Variants in ABCB1 observed in about 807,000 individuals in gnomAD.
ABCB1 encodes ATP binding cassette subfamily B member 1, also known as ATP-dependent translocase ABCB1.
A neutral mutation model predicts 142.0 loss-of-function variants in ABCB1; 69 were observed. The observed-to-expected ratio is 0.49, with a 90% CI of 0.40 to 0.59. The LOEUF is 0.59. Among genes scored for constraint, ABCB1 ranks in the 20% least tolerant of loss-of-function variants. The probability of loss-of-function intolerance (pLI) is 0.00; values close to 1 mark genes in which losing one functional copy is unlikely to be tolerated. For missense variants in ABCB1, 1,326 were observed against 1,554.7 expected, an observed-to-expected ratio of 0.85 and a Z score of 2.47; for synonymous variants, 532 against 539.2, an observed-to-expected ratio of 0.99 and a Z score of 0.18.
At chr7:87,652,621 GATATATATATATATAT>G (rs373344881) in intron 1 of ABCB1, among the ~76,000 whole-genome samples, 4 of 125,414 alleles carry the variant, frequency 3.2e-5, no homozygotes, top group Admixed American at 1.6e-4. Context: ...TGTGGTCACT[GATATATATATATATAT>G]ATATATATAG....
In ABCB1 at chr7:87,533,964, G is replaced by C. The variant is rs28381960; in HGVS notation, c.2482-2467C>G. On this transcript the variant is annotated intron_variant, in intron 20 of 27. Coordinates refer to ENST00000622132, the MANE Select transcript of ABCB1 (RefSeq NM_001348946.2). ...CAGCCATCTTGGCAGGGCCAAGTTT[G>C]AGGTGTCTTTGAGGAAACAAGTGAA... Among the ~76,000 whole-genome samples the C allele has an allele frequency of 7.3e-3, 1,112 of 152,282 alleles. 32 individuals are homozygous for C. The highest frequency in any genetic ancestry group is 0.061 in the Admixed American group (936 of 15,292).
Position 87,566,336 on chromosome 7 carries a change from A to G in ABCB1, c.531-95T>C, listed in dbSNP as rs1817781392. ...TTTGAGTGTAGGGTAGTTTATGGCT[A>G]GAGTATTTTGTGCCTATGCTTTGTT... On this transcript the variant is annotated intron_variant, in intron 6 of 27. Transcript: ENST00000622132. 3.2e-5 allele frequency: 41 copies of G among 1,279,936 alleles called. No individual in the cohort carries two copies. The South Asian group carries it at 4.7e-4, about 15-fold the overall frequency. 79.3% of individuals were successfully genotyped at this position (1,279,936 alleles called of 1,614,324 possible).
chr7:87,595,908 A>C, intron 2 of ABCB1, 94 bp from the exon 3 acceptor site: 2 of 958,068 alleles, frequency 2.1e-6, no homozygotes, highest in Non-Finnish European at 3.3e-6. Flanking sequence ...AATGACTAAT[A>C]GGAAGAAGAA....
chr7:87,666,015 T>C (rs957108715), intron 1 of ABCB1, among the ~76,000 whole-genome samples: 1 of 152,156 alleles, frequency 6.6e-6, no homozygotes, highest in Non-Finnish European at 1.5e-5. Context: ...ATGGGATTGC[T>C]GGGTCGAATG....
intron 19 of ABCB1, among the ~76,000 whole-genome samples, chr7:87,538,540 TA>T (rs1816392248): frequency 1.3e-5 from 2 of 152,182 alleles, no homozygotes; most frequent in South Asian, 2.1e-4. Context: ...GGCAGACTTC[TA>T]AAGCATCATT....
intron 23 of ABCB1, among the ~76,000 whole-genome samples, chr7:87,517,573 A>G (rs1441633342): frequency 6.6e-6 from 1 of 152,218 alleles, no homozygotes; most frequent in Non-Finnish European, 1.5e-5. Flanking sequence ...GTTTGTGGGC[A>G]AAAATATGTA....
intron 1 of ABCB1, among the ~76,000 whole-genome samples, chr7:87,668,888 A>G (rs1486829791): frequency 6.6e-6 from 1 of 152,034 alleles, no homozygotes; most frequent in African/African-American, 2.4e-5. Flanking sequence ...GGATTGTTTT[A>G]TTCCAATTAT....
chr7:87,545,962 G>T lies in ABCB1; in HGVS notation c.1788C>A (p.Asp596Glu). The change falls in exon 15 of 28, where the codon GAC (aspartate) becomes GAA (glutamate). Residue 596 changes from aspartate (D) to glutamate (E), a missense_variant. Asp to Glu is a conservative substitution (Grantham distance 45). Transcript: ENST00000622132. The stretch of plus-strand genomic sequence containing the variant: ...CTCCATCATCGAAACCAGCGATGAC[G>T]TCAGCATTACGAACTGTAGACAAAC... Reference protein sequence around the residue: ...AHRLSTVRNADVIAGFDDGVI... With the variant: ...AHRLSTVRNAEVIAGFDDGVI... 1.2e-6 allele frequency: 2 copies of T among 1,614,070 alleles called. No homozygotes were observed. Among genetic ancestry groups the T allele is most frequent in the Non-Finnish European group, 1.7e-6 (2 of 1,179,992 alleles).
At chr7:87,533,221 G>A (rs772692912) in intron 20 of ABCB1, among the ~76,000 whole-genome samples, 14 of 152,074 alleles carry the variant, frequency 9.2e-5, no homozygotes, top group Admixed American at 3.3e-4. Flanking sequence ...GTGGCACAGG[G>A]ATGATATAAG....
intron 3 of ABCB1, among the ~76,000 whole-genome samples, chr7:87,594,613 A>G: frequency 6.6e-6 from 1 of 152,242 alleles, no homozygotes; most frequent in Non-Finnish European, 1.5e-5. Flanking sequence ...ACAAGAAAGT[A>G]ACAATGAAAA....
intron 3 of ABCB1, among the ~76,000 whole-genome samples, chr7:87,586,802 G>A (rs1035181452): frequency 6.6e-6 from 1 of 152,084 alleles, no homozygotes; most frequent in African/African-American, 2.4e-5. Flanking sequence ...ATAAAGAATG[G>A]TTATTACCAG....
intron 4 of ABCB1, among the ~76,000 whole-genome samples, chr7:87,581,671 A>G (rs1328738714): frequency 6.6e-6 from 1 of 152,160 alleles, no homozygotes; most frequent in Non-Finnish European, 1.5e-5. Flanking sequence ...GAAAACTTAC[A>G]AGGGTTCTAT....
intron 19 of ABCB1, 60 bp from the exon 20 acceptor site, chr7:87,536,601 G>C (rs1239562082): frequency 2.8e-5 from 42 of 1,523,088 alleles, no homozygotes; most frequent in South Asian, 4.5e-5. Flanking sequence ...TCAGCTCCAA[G>C]AGGGCAGCGA....
chr7:87,570,217 A>G lies in ABCB1; in HGVS notation c.293T>C (p.Ile98Thr), dbSNP rs1273859083. Residue 98 changes from isoleucine (I) to threonine (T), a missense_variant, in exon 5 of 28, where the codon ATC becomes ACC. Physicochemically the swap from Ile to Thr is moderately conservative, Grantham distance 89. Coordinates refer to ENST00000622132, the MANE Select transcript of ABCB1 (RefSeq NM_001348946.2). ...LMSNITNRSDINDTGFFMNLE... is the reference protein window; with the variant it reads ...LMSNITNRSDTNDTGFFMNLE... ...ATTCATGAAGAACCCTGTATCATTG[A>G]TATCACCTAGACCACCACAAAACAA... is the stretch of plus-strand genomic sequence containing the variant. 5 of 1,612,852 alleles carry G rather than the reference A, an allele frequency of 3.1e-6. No individual in the cohort carries two copies. Among genetic ancestry groups the G allele is most frequent in the South Asian group, 1.1e-5 (1 of 91,060 alleles).
At chr7:87,586,222 C>T (rs1431869871) in intron 3 of ABCB1, among the ~76,000 whole-genome samples, 1 of 152,196 alleles carries the variant, frequency 6.6e-6, no homozygotes, top group Non-Finnish European at 1.5e-5. Flanking sequence ...CTGATGCATG[C>T]TTGTCAAGGA....
At chr7:87,628,659 C>G in intron 1 of ABCB1, 1 of 403,418 alleles carries the variant, frequency 2.5e-6, no homozygotes, top group Non-Finnish European at 4.3e-6. Context: ...CGTCAGTCCC[C>G]GGGTGCGAGT....
At chr7:87,544,059 C>T (rs1205888953) in intron 17 of ABCB1, 70 bp downstream of exon 17, 2 of 1,580,644 alleles carry the variant, frequency 1.3e-6, no homozygotes, top group East Asian at 2.2e-5. Flanking sequence ...AGTTCAGACA[C>T]AAGCACTTTA....
intron 7 of ABCB1, among the ~76,000 whole-genome samples, chr7:87,563,044 A>G (rs1250298727): frequency 3.9e-5 from 6 of 152,242 alleles, no homozygotes. Flanking sequence ...TTCTGTGCAC[A>G]TAAACTAGAA....
chr7:87,613,854 A>T (rs2130065542), intron 1 of ABCB1, among the ~76,000 whole-genome samples: 1 of 152,286 alleles, frequency 6.6e-6, no homozygotes, highest in East Asian at 1.9e-4. Context: ...ATAAAAGTTG[A>T]GATTATTTTT....
Sources: allele counts gnomAD v4.1 joint callset (sites outside exome capture counted in the v4.1 genomes callset), GRCh38; gene constraint gnomAD v4.1.1; transcripts MANE v1.5; gene names NCBI Gene and HGNC (gene_info 2026-07-23, HGNC 2026-07-21).